The following WWC2 variants were observed in gnomAD, a reference collection of about 807,000 sequenced individuals.
The protein encoded by WWC2 is WW and C2 domain containing 2, also known as protein WWC2.
WWC2 carries 101 observed loss-of-function variants against 138.5 expected under a neutral mutation model. The ratio of observed to expected loss-of-function variants is 0.73; its 90% CI spans 0.62 to 0.86. The LOEUF is 0.86. Ranked by LOEUF, WWC2 falls within the 40% of genes least tolerant of loss-of-function variation. The probability of loss-of-function intolerance (pLI) is 0.00; values close to 1 mark genes in which losing one functional copy is unlikely to be tolerated. For missense variants in WWC2, 1,420 were observed against 1,419.4 expected (o/e 1.00, Z -0.01); for synonymous variants, 558 against 538.4 (o/e 1.04, Z -0.50).
chr4:183,281,268 G>A (rs1455119263), intron 17 of WWC2: 2 of 288,102 alleles, frequency 6.9e-6, no homozygotes, highest in Non-Finnish European at 1.3e-5. Flanking sequence ...GTACCATTTA[G>A]GCTCTAGTAA....
rs142097021 is a variant in WWC2, at chr4:183,157,755, C to T, written c.132-35844C>T. 5.4e-3 allele frequency among the ~76,000 whole-genome samples: 819 copies of T among 152,100 alleles called. 6 individuals carry two copies. Among genetic ancestry groups the T allele is most frequent in the African/African-American group, 0.019 (790 of 41,486 alleles). The stretch of plus-strand genomic sequence containing the variant: ...TGACCTTGTGATCCGCCTCCCTCTG[C>T]CTCCCAAAGTGCTGGAATTACAGAC... On this transcript the variant is annotated intron_variant, in intron 1 of 22. Coordinates refer to ENST00000403733, the MANE Select transcript of WWC2 (RefSeq NM_024949.6).
intron 1 of WWC2, among the ~76,000 whole-genome samples, chr4:183,191,425 A>G (rs1409774351): frequency 6.6e-6 from 1 of 152,170 alleles, no homozygotes; most frequent in Non-Finnish European, 1.5e-5. Flanking sequence ...CTCGGGTGTT[A>G]TACTGTTTAG....
chr4:183,176,143 T>C (rs1335520509), intron 1 of WWC2, among the ~76,000 whole-genome samples: 1 of 152,190 alleles, frequency 6.6e-6, no homozygotes, highest in Non-Finnish European at 1.5e-5. Flanking sequence ...TCTGGTGCTG[T>C]GCCAGAGGAA....
rs377109830 is a variant in WWC2, at chr4:183,311,826, C to G, written c.3385-515C>G. On this transcript the variant is annotated intron_variant, in intron 21 of 22. Coordinates refer to ENST00000403733, the MANE Select transcript of WWC2 (RefSeq NM_024949.6). Reference sequence around the variant, plus strand: ...TCTCCTGACCTCGTGATCCGCCTGCCTCGGCCTCCCAAAGTGCTGGGATTA... The same window carrying G: ...TCTCCTGACCTCGTGATCCGCCTGCGTCGGCCTCCCAAAGTGCTGGGATTA... Among the ~76,000 whole-genome samples the G allele has an allele frequency of 3.9e-5, 6 of 152,134 alleles. No individual in the cohort carries two copies. The East Asian group carries it at 5.8e-4, about 15-fold the overall frequency.
Position 183,297,081 on chromosome 4 carries a change from C to T in WWC2, c.3384+7446C>T, listed in dbSNP as rs567394731. Among the ~76,000 whole-genome samples the T allele has an allele frequency of 5.3e-5, 8 of 152,122 alleles. No homozygotes were observed. In the East Asian group the frequency reaches 1.5e-3, roughly 29 times the overall value. On this transcript the variant is annotated intron_variant, in intron 21 of 22. Coordinates refer to ENST00000403733, the MANE Select transcript of WWC2 (RefSeq NM_024949.6). ...CCTCAACCTCCCAGGTTCAAGCAAT[C>T]CTTCCACCTCAGTTTCCTGAGTAGC...
Position 183,319,497 on chromosome 4 carries a change from C to T in WWC2, c.*3768C>T, listed in dbSNP as rs895345034. The stretch of plus-strand genomic sequence containing the variant: ...AGTGAGATGACTAGAGCGGGACATC[C>T]TACCAAATCCAGTGTTGAGCAAGCG... On this transcript the variant is annotated 3_prime_UTR_variant, in exon 23 of 23. Coordinates refer to ENST00000403733, the MANE Select transcript of WWC2 (RefSeq NM_024949.6). 5.4e-6 allele frequency: 8 copies of T among 1,492,220 alleles called. No individual in the cohort carries two copies. The African/African-American group carries it at 9.8e-5, about 18-fold the overall frequency. The allele number at this position is 1,492,220 out of a possible 1,614,324, so 92.4% of individuals were successfully genotyped here. A position where few individuals can be genotyped will look rare whatever the true frequency, so the allele number is the denominator to read the frequency against.
chr4:183,284,716 A>T (rs1446783553), intron 19 of WWC2, among the ~76,000 whole-genome samples: 1 of 152,202 alleles, frequency 6.6e-6, no homozygotes, highest in Non-Finnish European at 1.5e-5. Context: ...TTTGAGATAC[A>T]TGTGGTCTGT....
intron 4 of WWC2, among the ~76,000 whole-genome samples, chr4:183,228,356 A>C (rs571233302): frequency 1.2e-3 from 183 of 152,242 alleles, no homozygotes; most frequent in Middle Eastern, 6.8e-3. Context: ...TTGGTATTTG[A>C]TAGATCAAGC....
At chr4:183,179,849 C>G (rs1016848689) in intron 1 of WWC2, among the ~76,000 whole-genome samples, 3 of 152,132 alleles carry the variant, frequency 2.0e-5, no homozygotes, top group Non-Finnish European at 2.9e-5. Context: ...AAACATTGAG[C>G]ACTGTGTACC....
chr4:183,198,719 T>C (rs1272329682), intron 2 of WWC2, among the ~76,000 whole-genome samples: 1 of 130,950 alleles, frequency 7.6e-6, no homozygotes, highest in Non-Finnish European at 1.5e-5. Context: ...CTCAGGAGGG[T>C]GAGGTGGGAA....
chr4:183,115,263 C>T (rs1261664242), intron 1 of WWC2, among the ~76,000 whole-genome samples: 1 of 152,134 alleles, frequency 6.6e-6, no homozygotes, highest in Non-Finnish European at 1.5e-5. Context: ...TTTCTTTATC[C>T]AGTCTACCCT....
At chr4:183,205,455 G>T (rs2111234491) in intron 2 of WWC2, among the ~76,000 whole-genome samples, 1 of 152,126 alleles carries the variant, frequency 6.6e-6, no homozygotes, top group East Asian at 1.9e-4. Flanking sequence ...TACATTTCGA[G>T]ATCTGTTTCT....
intron 4 of WWC2, among the ~76,000 whole-genome samples, chr4:183,228,425 T>C (rs1356661931): frequency 1.3e-5 from 2 of 152,080 alleles, no homozygotes. Context: ...TTTATTTAAT[T>C]AATGTATACA....
intron 11 of WWC2, among the ~76,000 whole-genome samples, chr4:183,264,280 A>C (rs1406914504): frequency 2.6e-5 from 4 of 152,168 alleles, no homozygotes; most frequent in Admixed American, 6.5e-5. Context: ...ACTCTCACTC[A>C]CTGGAGGATG....
chr4:183,159,826 T>C (rs1733909488), intron 1 of WWC2, among the ~76,000 whole-genome samples: 1 of 152,128 alleles, frequency 6.6e-6, no homozygotes, highest in Admixed American at 6.6e-5. Flanking sequence ...TATGCCTTAT[T>C]TGTATAATGA....
At chr4:183,276,479 T>G (rs1014454044) in intron 16 of WWC2, among the ~76,000 whole-genome samples, 1 of 152,084 alleles carries the variant, frequency 6.6e-6, no homozygotes, top group African/African-American at 2.4e-5. Flanking sequence ...CCCTGGAGAT[T>G]ATAGCATGAG....
At chr4:183,185,945 ATTTTT>A (rs546555995) in intron 1 of WWC2, among the ~76,000 whole-genome samples, 1 of 131,236 alleles carries the variant, frequency 7.6e-6, no homozygotes, top group Non-Finnish European at 1.6e-5. Context: ...TTTAACATAG[ATTTTT>A]TTTTTTTTTT....
intron 4 of WWC2, among the ~76,000 whole-genome samples, chr4:183,211,271 A>G (rs1220694694): frequency 6.6e-6 from 1 of 152,156 alleles, no homozygotes; most frequent in Non-Finnish European, 1.5e-5. Flanking sequence ...TTGATGCCAG[A>G]TGTTCAAGAC....
chr4:183,203,250 A>G (rs904778297), intron 2 of WWC2, among the ~76,000 whole-genome samples: 1 of 150,578 alleles, frequency 6.6e-6, no homozygotes, highest in African/African-American at 2.5e-5. Flanking sequence ...ATATGGAATC[A>G]TTTTAATTAT....
Sources: gnomAD v4.1 joint callset for allele counts (sites outside exome capture counted in the v4.1 genomes callset) on GRCh38, gnomAD v4.1.1 for gene constraint, MANE v1.5 for transcripts, NCBI Gene and HGNC (gene_info 2026-07-23, HGNC 2026-07-21) for gene names.